The following MYO1C variants were observed in gnomAD, a reference collection of about 807,000 sequenced individuals.
The protein encoded by MYO1C is unconventional myosin-Ic.
Under a neutral mutation model 150.8 loss-of-function variants are expected in MYO1C, and 104 were observed. That is an observed-to-expected ratio of 0.69 (90% CI 0.59 to 0.81). The LOEUF (loss-of-function observed/expected upper bound fraction) is 0.81, where lower values mean the gene tolerates loss of function less well. Among genes scored for constraint, MYO1C ranks in the 30% least tolerant of loss-of-function variants. The probability of loss-of-function intolerance (pLI) is 0.00; values close to 1 mark genes in which losing one functional copy is unlikely to be tolerated. For missense variants in MYO1C, 1,504 were observed against 1,435.0 expected (o/e 1.05, Z -0.78); for synonymous variants, 663 against 579.9 (o/e 1.14, Z -2.06).
intron 22 of MYO1C, 50 bp from the exon 23 acceptor site, chr17:1,470,569 C>A (rs1371113173): frequency 1.3e-6 from 2 of 1,566,628 alleles, no homozygotes; most frequent in Admixed American, 1.8e-5. Flanking sequence ...ACCATGGTGG[C>A]CCCCCCTGGC....
rs2074474312 is a variant in MYO1C at position 1,479,638 on chromosome 17, C to G, written c.974G>C (p.Ser325Thr). 6.2e-7 allele frequency: 1 copy of G among 1,609,938 alleles called. No individual in the cohort carries two copies. Among genetic ancestry groups the G allele is most frequent in the Non-Finnish European group, 8.5e-7 (1 of 1,178,484 alleles). The change falls in exon 8 of 32, where the codon AGC (serine) becomes ACC (threonine). Residue 325 changes from serine to threonine, a missense_variant. Transcript: ENST00000648651. The surrounding 1 kb of genome is among the most constrained non-coding windows in gnomAD (Gnocchi z 4.2). ...GNIHFAANEESNAQVTTENQL... is the reference protein window; with the variant it reads ...GNIHFAANEETNAQVTTENQL... ...GTTCTCGGTGGTGACCTGGGCATTG[C>G]TCTCCTCGTTGGCAGCAAAGTGGAT...
At chr17:1,473,420 G>A (rs1011382026) in intron 17 of MYO1C, among the ~76,000 whole-genome samples, 7 of 152,146 alleles carry the variant, frequency 4.6e-5, no homozygotes, top group Non-Finnish European at 8.8e-5. Flanking sequence ...GGCATCCTCA[G>A]CAGGGAGACG....
intron 14 of MYO1C, chr17:1,477,160 T>G: frequency 3.8e-6 from 1 of 262,656 alleles, no homozygotes; most frequent in Non-Finnish European, 7.4e-6. Context: ...TTTTAAAAAA[T>G]TCATTATTTA....
intron 5 of MYO1C, 29 bp from the exon 6 acceptor site, chr17:1,480,914 G>A: frequency 5.6e-6 from 9 of 1,611,560 alleles, no homozygotes; most frequent in South Asian, 3.3e-5. Flanking sequence ...ATGAGGCCGG[G>A]TCACGGGGAC....
At chr17:1,477,143 TTC>T in intron 14 of MYO1C, 1 of 248,254 alleles carries the variant, frequency 4.0e-6, no homozygotes, top group Non-Finnish European at 8.0e-6. Flanking sequence ...CTGGCCTTCT[TTC>T]TCTTTTTTAA....
In MYO1C at chr17:1,472,063, T is replaced by C. The variant is rs772996505; in HGVS notation, c.1904-39A>G. On this transcript the variant is annotated intron_variant, in intron 18 of 31. Coordinates refer to ENST00000648651, the MANE Select transcript of MYO1C (RefSeq NM_001080779.2). ...AGCGCCGTGGTCAGCGGGCTGGCGC[T>C]GACGGCCTGTCTCCTGCAGGGGAGG... 3.1e-6 allele frequency: 5 copies of C among 1,608,918 alleles called. No homozygotes were observed. The South Asian group carries it at 4.4e-5, about 14-fold the overall frequency.
chr17:1,480,789 G>A lies in MYO1C; in HGVS notation c.724C>T (p.Gln242Ter). The part of the protein sequence containing the change: ...HGERNFHIFY[Q>*]LLEGGEEETL... ...TCCTCCTCGCCCCCCTCCAGCAGCT[G>A]GTAGAAGATGTGGAAGTTCCGCTCC... The change falls in exon 6 of 32, where the codon CAG becomes TAG. Residue 242 changes from glutamine to a stop codon, truncating the protein, a stop_gained. Coordinates refer to ENST00000648651, the MANE Select transcript of MYO1C (RefSeq NM_001080779.2). LOFTEE classifies it high-confidence loss of function. The A allele has an allele frequency of 6.2e-7, 1 of 1,614,176 alleles. No homozygotes were observed. Among genetic ancestry groups the A allele is most frequent in the Non-Finnish European group, 8.5e-7 (1 of 1,180,032 alleles).
chr17:1,469,434 A>C, intron 25 of MYO1C, 97 bp downstream of exon 25: 1 of 1,166,954 alleles, frequency 8.6e-7, no homozygotes, highest in Non-Finnish European at 1.2e-6. Context: ...AATACGGTAG[A>C]CCGGGGTAAA....
In MYO1C at chr17:1,471,298, G is replaced by A. The variant is rs2150938464; in HGVS notation, c.2060C>T (p.Ala687Val). Residue 687 changes from alanine to valine, a missense_variant, in exon 20 of 32, where the codon GCA (alanine) becomes GTA (valine). Physicochemically the swap from Ala to Val is moderately conservative, Grantham distance 64. Coordinates refer to ENST00000648651, the MANE Select transcript of MYO1C (RefSeq NM_001080779.2). Reference sequence around the variant, plus strand: ...AGCCACCCCATCCTGCGGCCGTCCTGCCCACGTGGGCCACGTCTCTGGGCA... The same window carrying A: ...AGCCACCCCATCCTGCGGCCGTCCTACCCACGTGGGCCACGTCTCTGGGCA... ...SLCPETWPTW[A>V]GRPQDGVAVL... is the part of the protein sequence containing the mutation. 1 of 1,613,970 alleles carries A rather than the reference G, an allele frequency of 6.2e-7. No homozygotes were observed. The highest frequency in any genetic ancestry group is 2.2e-5 in the East Asian group (1 of 44,870).
At chr17:1,470,031 A>G in intron 24 of MYO1C, 144 bp downstream of exon 24, 1 of 908,652 alleles carries the variant, frequency 1.1e-6, no homozygotes, top group Non-Finnish European at 1.6e-6. Context: ...CATCTCAAAA[A>G]AAAAAGAGAC....
Position 1,467,994 on chromosome 17 carries a change from G to A in MYO1C, c.2890C>T (p.Leu964=), listed in dbSNP as rs769609615. ...GCCCTGGACCCTGGCTGACCGGTCA[G>A]GTTGGCGTAATCAATCCTCTGCTTG... The part of the protein sequence containing the change: ...KVKQRIDYAN[L]TGISVSSLSD... Residue 964 remains leucine, a synonymous_variant, in exon 28 of 32, where the codon CTG becomes TTG. Transcript: ENST00000648651. 1 of 1,612,870 alleles carries A rather than the reference G, an allele frequency of 6.2e-7. No homozygotes were observed. Among genetic ancestry groups the A allele is most frequent in the African/African-American group, 1.3e-5 (1 of 74,522 alleles).
rs371470354 is a variant in MYO1C, at chr17:1,492,457, C to T, written c.31G>A (p.Gly11Arg). Residue 11 changes from glycine (G) to arginine (R), a missense_variant, in exon 1 of 32, where the codon GGG (glycine) becomes AGG (arginine). Transcript: ENST00000648651. MALQVELVPT[G>R]EIIRVVHPHR... ...GGATGAACCACGCGGATGATCTCCC[C>T]GGTGGGTACCAGCTCCACTTGCAGC... The T allele has an allele frequency of 6.8e-6, 11 of 1,607,188 alleles. No homozygotes were observed. The highest frequency in any genetic ancestry group is 1.7e-4 in the Middle Eastern group (1 of 6,034).
At chr17:1,492,306 A>G in intron 1 of MYO1C, 107 bp downstream of exon 1, 1 of 1,135,620 alleles carries the variant, frequency 8.8e-7, no homozygotes, top group South Asian at 1.3e-5. Context: ...AAGGATCGGA[A>G]CCCCTCCCCG....
intron 1 of MYO1C, chr17:1,485,760 C>G (rs909965389): frequency 1.9e-6 from 2 of 1,068,890 alleles, no homozygotes; most frequent in East Asian, 6.6e-5. Context: ...CTCCGGGTCC[C>G]GGGCTCGGCG....
At chr17:1,491,514 G>T in intron 1 of MYO1C, 1 of 538,314 alleles carries the variant, frequency 1.9e-6, no homozygotes, top group Non-Finnish European at 2.3e-6. Context: ...CGTGACCCCT[G>T]CCTCGTGCAC....
intron 19 of MYO1C, among the ~76,000 whole-genome samples, 178 bp from the exon 20 acceptor site, chr17:1,471,514 G>A (rs1172198548): frequency 6.6e-6 from 1 of 152,100 alleles, no homozygotes; most frequent in African/African-American, 2.4e-5. Flanking sequence ...TCTACCTAAG[G>A]CCAAGTAACT....
chr17:1,474,152 C>T (rs1322965268), intron 17 of MYO1C, among the ~76,000 whole-genome samples: 2 of 151,988 alleles, frequency 1.3e-5, no homozygotes, highest in East Asian at 1.9e-4. Context: ...CAGGGACAGG[C>T]GTGGTGGCTC....
At chr17:1,486,700 G>A (rs1374550203) in intron 1 of MYO1C, among the ~76,000 whole-genome samples, 1 of 152,142 alleles carries the variant, frequency 6.6e-6, no homozygotes, top group South Asian at 2.1e-4. Flanking sequence ...ATTTTTAGTA[G>A]AGACGGGGTT....
rs764101826 is a variant in MYO1C at position 1,478,453 on chromosome 17, C to T, written c.1252G>A (p.Gly418Arg). 1.2e-6 allele frequency: 2 copies of T among 1,614,160 alleles called. No individual in the cohort carries two copies. Among genetic ancestry groups the T allele is most frequent in the South Asian group, 1.1e-5 (1 of 91,082 alleles). ...SPSWRSTTVL[G>R]LLDIYGFEVF... ...TCAAAGCCATAAATATCCAGGAGCC[C>T]GAGAACCGTGGTGCTCCGCCAGCTG... Residue 418 changes from glycine to arginine, a missense_variant, in exon 11 of 32, where the codon GGG (glycine) becomes AGG (arginine). Physicochemically the swap from Gly to Arg is moderately radical, Grantham distance 125. Coordinates refer to ENST00000648651, the MANE Select transcript of MYO1C (RefSeq NM_001080779.2). This position sits in a 1 kb window ranked among gnomAD's most constrained non-coding sequence, Gnocchi z 6.3.
Sources: gnomAD v4.1 joint callset for allele counts (sites outside exome capture counted in the v4.1 genomes callset) on GRCh38, gnomAD v4.1.1 for gene constraint, Gnocchi (gnomAD v3.1) non-coding constraint, MANE v1.5 for transcripts, NCBI Gene and HGNC (gene_info 2026-07-23, HGNC 2026-07-21) for gene names.